The following BIRC2 variants were observed in gnomAD, a reference collection of about 807,000 sequenced individuals.
BIRC2 encodes the protein baculoviral IAP repeat-containing protein 2.
BIRC2 carries 18 observed loss-of-function variants against 60.9 expected under a neutral mutation model. The observed-to-expected ratio is 0.30, with a 90% CI of 0.20 to 0.44. BIRC2 has a LOEUF of 0.44. Ranked by LOEUF, BIRC2 falls within the 20% of genes least tolerant of loss-of-function variation. The pLI is 1.00. For synonymous variants in BIRC2, 282 were observed against 247.7 expected, an observed-to-expected ratio of 1.14 and a Z score of -1.30; for missense variants, 701 against 728.5, an observed-to-expected ratio of 0.96 and a Z score of 0.43.
chr11:102,356,283 C>T (rs1188418428), intron 3 of BIRC2, among the ~76,000 whole-genome samples: 1 of 151,564 alleles, frequency 6.6e-6, no homozygotes, highest in Non-Finnish European at 1.5e-5. Context: ...GCAACCTCCA[C>T]CTCCTGGGTT....
intron 3 of BIRC2, 111 bp from the exon 4 acceptor site, chr11:102,362,785 A>T: frequency 1.3e-6 from 1 of 755,198 alleles, no homozygotes; most frequent in Non-Finnish European, 2.2e-6. Flanking sequence ...GTGACGTAAA[A>T]TGTTTTTACT....
chr11:102,365,742 A>ATGTGTGTG (rs1951545724), intron 5 of BIRC2, among the ~76,000 whole-genome samples: 2 of 134,016 alleles, frequency 1.5e-5, no homozygotes, highest in Non-Finnish European at 3.3e-5. Context: ...ACATTCAGCT[A>ATGTGTGTG]AGTGTGTGTG....
At position 102,350,836 on chromosome 11, in the gene BIRC2, T is replaced by C. The variant is rs1323466026; in HGVS notation, c.896-8T>C. 3 of 1,612,294 alleles carry C rather than the reference T, an allele frequency of 1.9e-6. No individual in the cohort carries two copies. The highest frequency in any genetic ancestry group is 2.5e-6 in the Non-Finnish European group (3 of 1,179,558). ...TGTTTTCAATATTTAGTCTTTTTTT[T>C]CCTGAAGGTCGCAATGATGATGTCA... On this transcript the variant is annotated splice_region_variant and splice_polypyrimidine_tract_variant and intron_variant, in intron 2 of 8. Coordinates refer to ENST00000227758, the MANE Select transcript of BIRC2 (RefSeq NM_001166.5).
In BIRC2 at chr11:102,377,986, T is replaced by G; in HGVS notation, c.1664-4T>G. ...ATTTCACTAAAGTTATTTTTTGTTA[T>G]TAGGTCTGTCACTGGAAGAACAATT... On this transcript the variant is annotated splice_region_variant and splice_polypyrimidine_tract_variant and intron_variant, in intron 8 of 8. Coordinates refer to ENST00000227758, the MANE Select transcript of BIRC2 (RefSeq NM_001166.5). 6.2e-7 allele frequency: 1 copy of G among 1,605,438 alleles called. No homozygotes were observed.
intron 3 of BIRC2, among the ~76,000 whole-genome samples, chr11:102,357,566 A>T (rs1951437740): frequency 6.6e-6 from 1 of 152,136 alleles, no homozygotes; most frequent in Admixed American, 6.5e-5. Flanking sequence ...TCTAGGTTAT[A>T]CAGTTTTTTG....
intron 3 of BIRC2, among the ~76,000 whole-genome samples, chr11:102,360,784 G>GTTTTTTTTTTTTTTTT (rs200030086): frequency 7.0e-5 from 9 of 129,336 alleles, no homozygotes; most frequent in Non-Finnish European, 1.3e-4. Flanking sequence ...TGTTTTTTTT[G>GTTTTTTTTTTTTTTTT]TTTTTTTTTT....
intron 6 of BIRC2, among the ~76,000 whole-genome samples, chr11:102,372,514 G>A (rs1951645848): frequency 6.6e-6 from 1 of 152,064 alleles, no homozygotes; most frequent in Non-Finnish European, 1.5e-5. Flanking sequence ...TAGTTTGATT[G>A]CACTGTGGTC....
rs990900440 is a variant in BIRC2, at chr11:102,348,894, A to T, written c.-961A>T. On this transcript the variant is annotated 5_prime_UTR_variant, in exon 2 of 9. Coordinates refer to ENST00000227758, the MANE Select transcript of BIRC2 (RefSeq NM_001166.5). ...TTGTGATAAATTGATTAATGTTTACAACATGACTGATAATTATAGCTGAAT... is the reference window on the plus strand; with the variant it reads ...TTGTGATAAATTGATTAATGTTTACTACATGACTGATAATTATAGCTGAAT... 5.9e-5 allele frequency: 11 copies of T among 184,936 alleles called. No individual in the cohort carries two copies. The highest frequency in any genetic ancestry group is 1.3e-4 in the Non-Finnish European group (11 of 87,436). 11.5% of individuals were successfully genotyped at this position (184,936 alleles called of 1,614,324 possible). A position where few individuals can be genotyped will look rare whatever the true frequency, so the allele number is the denominator to read the frequency against.
In BIRC2 at chr11:102,364,180, C is replaced by G. The variant is rs1345998510; in HGVS notation, c.1123+464C>G. On this transcript the variant is annotated intron_variant, in intron 5 of 8. Transcript: ENST00000227758. ...ATATATATATATATATATATACACACACACACAGAGAGAGAGAGAGAGAGA... is the reference window on the plus strand; with the variant it reads ...ATATATATATATATATATATACACAGACACACAGAGAGAGAGAGAGAGAGA... 1.0e-3 allele frequency among the ~76,000 whole-genome samples: 75 copies of G among 73,978 alleles called. 4 individuals are homozygous for G. Among genetic ancestry groups the G allele is most frequent in the African/African-American group, 2.7e-3 (35 of 12,744 alleles). 48.5% of individuals were successfully genotyped at this position (73,978 alleles called of 152,430 possible).
chr11:102,363,999 G>C (rs1951515585), intron 5 of BIRC2, among the ~76,000 whole-genome samples: 1 of 151,108 alleles, frequency 6.6e-6, no homozygotes, highest in East Asian at 1.9e-4. Context: ...GCAGTGAACT[G>C]AGATTATGCC....
At chr11:102,355,571 T>C (rs1057101059) in intron 3 of BIRC2, among the ~76,000 whole-genome samples, 2 of 152,148 alleles carry the variant, frequency 1.3e-5, no homozygotes, top group Non-Finnish European at 2.9e-5. Flanking sequence ...TTTTGTTTGT[T>C]TTTTCTCAAG....
intron 4 of BIRC2, among the ~76,000 whole-genome samples, chr11:102,363,453 G>C (rs1178927145): frequency 6.6e-6 from 1 of 152,088 alleles, no homozygotes; most frequent in Non-Finnish European, 1.5e-5. Context: ...CTACTTTCCT[G>C]AAACTAGAGA....
chr11:102,353,347 A>G (rs1048942868), intron 3 of BIRC2, among the ~76,000 whole-genome samples: 8 of 151,880 alleles, frequency 5.3e-5, no homozygotes, highest in African/African-American at 1.9e-4. Flanking sequence ...TTTTTTTGAG[A>G]CAGTGTCTCA....
intron 3 of BIRC2, among the ~76,000 whole-genome samples, chr11:102,362,241 A>G (rs1434254172): frequency 6.6e-6 from 1 of 152,194 alleles, no homozygotes; most frequent in Non-Finnish European, 1.5e-5. Context: ...ATATGGGCAT[A>G]GGTCAGTGTT....
At chr11:102,368,686 C>T in intron 6 of BIRC2, 138 bp downstream of exon 6, 2 of 1,192,256 alleles carry the variant, frequency 1.7e-6, no homozygotes, top group Non-Finnish European at 2.3e-6. Flanking sequence ...AACCATCCCT[C>T]CTTTTCTACC....
intron 3 of BIRC2, among the ~76,000 whole-genome samples, chr11:102,354,455 C>T (rs558814047): frequency 9.9e-5 from 15 of 152,278 alleles, no homozygotes; most frequent in South Asian, 8.3e-4. Context: ...GTGATCCACC[C>T]GGAGTGGATG....
Position 102,349,973 on chromosome 11 carries a change from A to C in BIRC2, c.119A>C (p.Lys40Thr), listed in dbSNP as rs1252853341. The C allele has an allele frequency of 2.5e-6, 4 of 1,614,240 alleles. No homozygotes were observed. The highest frequency in any genetic ancestry group is 3.4e-6 in the Non-Finnish European group (4 of 1,180,038). The part of the protein sequence containing the change: ...DWTNSNKQKM[K>T]YDFSCELYRM... ...ACAAACAGCAACAAACAAAAAATGA[A>C]GTATGACTTTTCCTGTGAACTCTAC... Residue 40 changes from lysine to threonine, a missense_variant, in exon 2 of 9, where the codon AAG becomes ACG. Physicochemically the swap from Lys to Thr is moderately conservative, Grantham distance 78. Coordinates refer to ENST00000227758, the MANE Select transcript of BIRC2 (RefSeq NM_001166.5).
chr11:102,362,931 T>C lies in BIRC2; in HGVS notation c.1031T>C (p.Phe344Ser), dbSNP rs1951502341. 6.2e-7 allele frequency: 1 copy of C among 1,613,154 alleles called. No homozygotes were observed. The highest frequency in any genetic ancestry group is 8.5e-7 in the Non-Finnish European group (1 of 1,179,464). Residue 344 changes from phenylalanine to serine, a missense_variant, in exon 4 of 9, where the codon TTT becomes TCT. By Grantham distance (155) the Phe-to-Ser change is radical. Around this residue, in one of 4 missense-constraint regions of BIRC2, gnomAD observed 39 missense variants for 69.8 expected, o/e 0.56. Transcript: ENST00000227758. ...TTGATACGAATGAAAGGCCAAGAGTTTGTTGATGAGATTCAAGGTAGATAT... is the reference window on the plus strand; with the variant it reads ...TTGATACGAATGAAAGGCCAAGAGTCTGTTGATGAGATTCAAGGTAGATAT... Reference protein sequence around the residue: ...EFLIRMKGQEFVDEIQGRYPH... With the variant: ...EFLIRMKGQESVDEIQGRYPH...
chr11:102,353,881 T>A (rs1951390601), intron 3 of BIRC2, among the ~76,000 whole-genome samples: 1 of 152,104 alleles, frequency 6.6e-6, no homozygotes, highest in African/African-American at 2.4e-5. Flanking sequence ...TCTCTGTTTC[T>A]GTGAGTTTGG....
Sources: allele counts gnomAD v4.1 joint callset (sites outside exome capture counted in the v4.1 genomes callset), GRCh38; gene constraint gnomAD v4.1.1; regional missense constraint gnomAD v4.1.1; transcripts MANE v1.5; gene names NCBI Gene and HGNC (gene_info 2026-07-23, HGNC 2026-07-21).